WDPCP: variants seen among roughly 807,000 people sequenced by gnomAD.
WDPCP encodes the protein WD repeat-containing and planar cell polarity effector protein fritz homolog.
WDPCP carries 71 observed loss-of-function variants against 93.1 expected under a neutral mutation model. The observed-to-expected ratio is 0.76, with a 90% CI of 0.63 to 0.93. The LOEUF is 0.93. Ranked by LOEUF, WDPCP falls within the 40% of genes least tolerant of loss-of-function variation. WDPCP has a pLI of 0.00. For missense variants in WDPCP, 844 were observed against 887.4 expected (o/e 0.95, Z 0.62); for synonymous variants, 315 against 315.0 (o/e 1.00, Z 0.00).
At chr2:63,745,786 C>T (rs1367874759) in intron 2 of WDPCP, among the ~76,000 whole-genome samples, 1 of 152,142 alleles carries the variant, frequency 6.6e-6, no homozygotes, top group Non-Finnish European at 1.5e-5. Flanking sequence ...GAGGGAGTTA[C>T]TGGAGTTACT....
intron 6 of WDPCP, among the ~76,000 whole-genome samples, chr2:63,480,915 A>C (rs1180482465): frequency 6.6e-6 from 1 of 152,192 alleles, no homozygotes; most frequent in Admixed American, 6.5e-5. Flanking sequence ...GAGCTTTTGC[A>C]CAGCAAAAGG....
chr2:63,388,174 C>A (rs1404099176), intron 10 of WDPCP, among the ~76,000 whole-genome samples: 1 of 152,108 alleles, frequency 6.6e-6, no homozygotes, highest in Non-Finnish European at 1.5e-5. Flanking sequence ...CAGCTCCAGT[C>A]TGCATCTCCC....
chr2:63,371,439 A>C (rs1691375325), intron 12 of WDPCP, among the ~76,000 whole-genome samples: 1 of 152,024 alleles, frequency 6.6e-6, no homozygotes, highest in African/African-American at 2.4e-5. Flanking sequence ...GGTAGTTTCA[A>C]ATCATCTATT....
intron 2 of WDPCP, among the ~76,000 whole-genome samples, chr2:63,804,732 T>A (rs889250131): frequency 3.3e-5 from 5 of 151,764 alleles, no homozygotes; most frequent in African/African-American, 1.2e-4. Flanking sequence ...ATTTGTCATA[T>A]AAAGCGTCCA....
intron 2 of WDPCP, among the ~76,000 whole-genome samples, chr2:63,689,075 T>C (rs750569409): frequency 3.9e-5 from 6 of 152,218 alleles, no homozygotes; most frequent in Non-Finnish European, 7.3e-5. Flanking sequence ...TTCTGTTCTT[T>C]ATAAATTATC....
intron 1 of WDPCP, among the ~76,000 whole-genome samples, chr2:63,565,639 T>C (rs1011493200): frequency 2.0e-5 from 3 of 152,138 alleles, no homozygotes; most frequent in African/African-American, 7.2e-5. Flanking sequence ...TGATAGATAA[T>C]CTTAAAAAGC....
intron 9 of WDPCP, among the ~76,000 whole-genome samples, chr2:63,419,745 A>G (rs1437759755): frequency 1.3e-5 from 2 of 152,214 alleles, no homozygotes; most frequent in African/African-American, 4.8e-5. Context: ...CAGGTATGGA[A>G]TATATCTATT....
chr2:63,512,962 C>T (rs1288288429), intron 1 of WDPCP, among the ~76,000 whole-genome samples: 1 of 151,720 alleles, frequency 6.6e-6, no homozygotes, highest in Non-Finnish European at 1.5e-5. Flanking sequence ...AAAAGAATTT[C>T]CAGAATAATG....
chr2:63,578,483 C>A (rs1204582191), intron 1 of WDPCP, among the ~76,000 whole-genome samples: 2 of 152,142 alleles, frequency 1.3e-5, no homozygotes, highest in African/African-American at 4.8e-5. Context: ...ACAAGATATT[C>A]CATGAAAAGA....
intron 13 of WDPCP, among the ~76,000 whole-genome samples, chr2:63,262,235 A>G (rs1435823341): frequency 2.0e-5 from 3 of 152,280 alleles, no homozygotes; most frequent in East Asian, 1.9e-4. Flanking sequence ...TGTATTTATT[A>G]TGGAAAGCAA....
chr2:63,340,209 C>CT (rs1210893660), intron 12 of WDPCP, among the ~76,000 whole-genome samples: 1 of 152,158 alleles, frequency 6.6e-6, no homozygotes, highest in East Asian at 1.9e-4. Context: ...CAAGGTGGCT[C>CT]TTTAAGCCCA....
At chr2:63,511,644 G>C (rs952629767) in intron 1 of WDPCP, among the ~76,000 whole-genome samples, 25 of 152,246 alleles carry the variant, frequency 1.6e-4, no homozygotes, top group African/African-American at 5.5e-4. Flanking sequence ...ACAAGCAATG[G>C]GGAAAGGATT....
At chr2:63,686,059 C>A (rs1668801567) in intron 2 of WDPCP, among the ~76,000 whole-genome samples, 1 of 152,110 alleles carries the variant, frequency 6.6e-6, no homozygotes, top group African/African-American at 2.4e-5. Flanking sequence ...TACAAGGATG[C>A]CCACTTTCAT....
At chr2:63,690,820 G>T (rs944388038) in intron 2 of WDPCP, among the ~76,000 whole-genome samples, 3 of 152,212 alleles carry the variant, frequency 2.0e-5, no homozygotes, top group Admixed American at 6.5e-5. Context: ...TAATAATTAT[G>T]AATATGTGTA....
At chr2:63,784,650 A>G (rs1670442221) in intron 2 of WDPCP, among the ~76,000 whole-genome samples, 1 of 152,018 alleles carries the variant, frequency 6.6e-6, no homozygotes, top group Non-Finnish European at 1.5e-5. Flanking sequence ...TTGCTGTAAT[A>G]AAGAAAGACA....
At chr2:63,761,557 G>C (rs1325908894) in intron 2 of WDPCP, among the ~76,000 whole-genome samples, 1 of 151,986 alleles carries the variant, frequency 6.6e-6, no homozygotes, top group Non-Finnish European at 1.5e-5. Flanking sequence ...GGAGCAAGGA[G>C]AGCCAGTCCA....
At chr2:63,556,037 TAAC>T (rs1235185949) in intron 1 of WDPCP, among the ~76,000 whole-genome samples, 2 of 152,052 alleles carry the variant, frequency 1.3e-5, no homozygotes, top group Non-Finnish European at 2.9e-5. Context: ...AGGTAAGTAA[TAAC>T]AAACTTCTCT....
At chr2:63,291,899 C>T (rs536083801) in intron 13 of WDPCP, among the ~76,000 whole-genome samples, 13 of 151,108 alleles carry the variant, frequency 8.6e-5, no homozygotes, top group African/African-American at 2.2e-4. Flanking sequence ...GTTGGGAGGC[C>T]GAGGAGGGCG....
At chr2:63,153,454 C>T in intron 16 of WDPCP, 41 bp downstream of exon 16, 1 of 1,465,172 alleles carries the variant, frequency 6.8e-7, no homozygotes, top group Non-Finnish European at 9.5e-7. Context: ...CATAGTTTTT[C>T]TGTTATACTT....
Sources: gnomAD v4.1 joint callset for allele counts (sites outside exome capture counted in the v4.1 genomes callset) on GRCh38, gnomAD v4.1.1 for gene constraint, MANE v1.5 for transcripts, NCBI Gene and HGNC (gene_info 2026-07-23, HGNC 2026-07-21) for gene names.